The following PCSK2 variants were observed in gnomAD, a reference collection of about 807,000 sequenced individuals.
PCSK2 encodes the protein neuroendocrine convertase 2.
Under a neutral mutation model 69.7 loss-of-function variants are expected in PCSK2, and 14 were observed. The observed-to-expected ratio is 0.20, with a 90% CI of 0.13 to 0.31. The LOEUF (loss-of-function observed/expected upper bound fraction) is 0.31. Ranked by LOEUF, PCSK2 falls within the 10% of genes least tolerant of loss-of-function variation. The pLI is 1.00. For missense variants in PCSK2, 544 were observed against 842.5 expected, an observed-to-expected ratio of 0.65 and a Z score of 4.39; for synonymous variants, 307 against 320.7, an observed-to-expected ratio of 0.96 and a Z score of 0.46.
intron 2 of PCSK2, among the ~76,000 whole-genome samples, chr20:17,343,635 G>A (rs983817519): frequency 6.6e-5 from 10 of 152,258 alleles, no homozygotes; most frequent in African/African-American, 2.4e-4. Flanking sequence ...AATGAAAGTT[G>A]TTAATAAGCT....
chr20:17,288,630 T>C (rs2123061218), intron 2 of PCSK2, among the ~76,000 whole-genome samples: 1 of 152,260 alleles, frequency 6.6e-6, no homozygotes, highest in Non-Finnish European at 1.5e-5. Context: ...GGGTGAGTCT[T>C]AATCCAATAT....
In PCSK2 at chr20:17,227,294, T is replaced by A; in HGVS notation, c.-12T>A. On this transcript the variant is annotated 5_prime_UTR_variant, in exon 1 of 12. Coordinates refer to ENST00000262545, the MANE Select transcript of PCSK2 (RefSeq NM_002594.5). Reference sequence around the variant, plus strand: ...CGCGCCTCCTAGCACCACTTTTCACTCCCAAAGAAGGATGAAGGGTGGTTG... The same window carrying A: ...CGCGCCTCCTAGCACCACTTTTCACACCCAAAGAAGGATGAAGGGTGGTTG... 6.2e-7 allele frequency: 1 copy of A among 1,612,280 alleles called. No homozygotes were observed. The highest frequency in any genetic ancestry group is 8.5e-7 in the Non-Finnish European group (1 of 1,179,158).
intron 2 of PCSK2, among the ~76,000 whole-genome samples, chr20:17,286,292 T>C (rs979605135): frequency 1.3e-5 from 2 of 152,150 alleles, no homozygotes; most frequent in Non-Finnish European, 2.9e-5. Flanking sequence ...AGAATCAACA[T>C]AATAGTGTAT....
chr20:17,344,417 A>T (rs1287561071), intron 2 of PCSK2, among the ~76,000 whole-genome samples: 1 of 152,214 alleles, frequency 6.6e-6, no homozygotes, highest in African/African-American at 2.4e-5. Context: ...AATATGAACA[A>T]GAGGAAATAA....
At chr20:17,314,791 T>C (rs911497808) in intron 2 of PCSK2, among the ~76,000 whole-genome samples, 1 of 152,210 alleles carries the variant, frequency 6.6e-6, no homozygotes, top group Non-Finnish European at 1.5e-5. Context: ...AATTGAATTT[T>C]CACGTGTTGT....
chr20:17,424,484 C>T (rs988178782), intron 6 of PCSK2, among the ~76,000 whole-genome samples: 12 of 152,076 alleles, frequency 7.9e-5, no homozygotes, highest in South Asian at 2.1e-4. Flanking sequence ...TGTTTCTTGG[C>T]GCGGAGGGGG....
intron 2 of PCSK2, among the ~76,000 whole-genome samples, chr20:17,311,597 T>C (rs1989512758): frequency 6.6e-6 from 1 of 152,180 alleles, no homozygotes; most frequent in Non-Finnish European, 1.5e-5. Context: ...TTAGGCCAAT[T>C]ACGTGCACGT....
intron 1 of PCSK2, among the ~76,000 whole-genome samples, chr20:17,229,293 C>A (rs1986055967): frequency 6.6e-6 from 1 of 151,604 alleles, no homozygotes; most frequent in South Asian, 2.1e-4. Flanking sequence ...CTCTTTACTC[C>A]TTAGTACCCA....
rs376097511 is a variant in PCSK2, at chr20:17,280,254, T to A, written c.282+19910T>A. 2.6e-5 allele frequency among the ~76,000 whole-genome samples: 4 copies of A among 152,344 alleles called. No homozygotes were observed. In the East Asian group the frequency reaches 5.8e-4, roughly 22 times the overall value. On this transcript the variant is annotated intron_variant, in intron 2 of 11. Transcript: ENST00000262545. The stretch of plus-strand genomic sequence containing the variant: ...ATTTGACTTATAAGTACACACATAT[T>A]GAATTTTTCTTATTAATGACTGCAT...
At chr20:17,331,580 A>G (rs947647319) in intron 2 of PCSK2, among the ~76,000 whole-genome samples, 1 of 152,242 alleles carries the variant, frequency 6.6e-6, no homozygotes, top group Non-Finnish European at 1.5e-5. Flanking sequence ...AAGCTCTGGC[A>G]TTTATAAAAA....
intron 2 of PCSK2, among the ~76,000 whole-genome samples, chr20:17,265,687 C>T (rs1217422171): frequency 1.3e-5 from 2 of 152,164 alleles, no homozygotes; most frequent in African/African-American, 2.4e-5. Context: ...TCCCCAAATT[C>T]TCATGGTTTG....
intron 6 of PCSK2, among the ~76,000 whole-genome samples, chr20:17,417,017 T>C (rs1447194093): frequency 6.7e-6 from 1 of 149,590 alleles, no homozygotes; most frequent in African/African-American, 2.4e-5. Context: ...CACCAGGGCC[T>C]GTCAGGGGGT....
At chr20:17,418,428 G>A (rs944992672) in intron 6 of PCSK2, among the ~76,000 whole-genome samples, 1 of 152,160 alleles carries the variant, frequency 6.6e-6, no homozygotes, top group African/African-American at 2.4e-5. Flanking sequence ...GGAGGTGCAG[G>A]ATATGTTCAG....
At position 17,340,315 on chromosome 20, in the gene PCSK2, G is replaced by C. The variant is rs546454315; in HGVS notation, c.283-18012G>C. The stretch of plus-strand genomic sequence containing the variant: ...CCCCAAACTAACTAGCTTTATTGTT[G>C]AATCTGTTTCTCTGCTCTGTGTCCT... On this transcript the variant is annotated intron_variant, in intron 2 of 11. Transcript: ENST00000262545. Among the ~76,000 whole-genome samples, 4 of 152,104 alleles carry C rather than the reference G, an allele frequency of 2.6e-5. No individual in the cohort carries two copies. In the South Asian group the frequency reaches 8.3e-4, roughly 32 times the overall value.
chr20:17,231,778 T>A (rs1434169655), intron 1 of PCSK2, among the ~76,000 whole-genome samples: 1 of 152,206 alleles, frequency 6.6e-6, no homozygotes, highest in Admixed American at 6.5e-5. Context: ...GGGTCCCATC[T>A]AGAGGCATGA....
At chr20:17,329,581 A>G (rs533587981) in intron 2 of PCSK2, among the ~76,000 whole-genome samples, 87 of 152,362 alleles carry the variant, frequency 5.7e-4, no homozygotes, top group Middle Eastern at 3.4e-3. Context: ...AATGTTCCAA[A>G]ATAGACGGTC....
chr20:17,475,213 T>C (rs1490851479), intron 11 of PCSK2, among the ~76,000 whole-genome samples: 4 of 151,480 alleles, frequency 2.6e-5, no homozygotes, highest in African/African-American at 9.7e-5. Context: ...GGAGCATTGG[T>C]TTTATGTATT....
intron 6 of PCSK2, among the ~76,000 whole-genome samples, chr20:17,419,259 G>A (rs773932393): frequency 4.6e-5 from 7 of 152,200 alleles, no homozygotes; most frequent in Admixed American, 2.0e-4. Context: ...CCTTGTGCTC[G>A]ATTTGCTTTT....
rs756933134 is a variant in PCSK2 at position 17,465,531 on chromosome 20, G to C, written c.1408G>C (p.Gly470Arg). Residue 470 changes from glycine to arginine, a missense_variant, in exon 11 of 12, where the codon GGA (glycine) becomes CGA (arginine). Transcript: ENST00000262545. ...CGTGCCTGAGAGATTCCACTGTGTG[G>C]GAGGCTCCGTGCAGGACCCTGAGTA... ...KTVPERFHCV[G>R]GSVQDPEKIP... 6.2e-7 allele frequency: 1 copy of C among 1,604,084 alleles called. No homozygotes were observed. The highest frequency in any genetic ancestry group is 8.5e-7 in the Non-Finnish European group (1 of 1,174,510).
Sources: gnomAD v4.1 joint callset for allele counts (sites outside exome capture counted in the v4.1 genomes callset) on GRCh38, gnomAD v4.1.1 for gene constraint, MANE v1.5 for transcripts, NCBI Gene and HGNC (gene_info 2026-07-23, HGNC 2026-07-21) for gene names.